Variants in SHROOM2 observed in about 807,000 individuals in gnomAD.
SHROOM2 encodes the protein shroom family member 2.
Under a neutral mutation model 75.9 loss-of-function variants are expected in SHROOM2, and 33 were observed. The ratio of observed to expected loss-of-function variants is 0.43; its 90% confidence interval spans 0.33 to 0.58. The LOEUF (loss-of-function observed/expected upper bound fraction) is 0.58, where lower values mean the gene tolerates loss of function less well. Among genes scored for constraint, SHROOM2 ranks in the 20% least tolerant of loss-of-function variants. The pLI, the probability that SHROOM2 is intolerant of heterozygous loss-of-function variation, is 0.04. For missense variants in SHROOM2, 1,434 were observed against 1,461.2 expected (o/e 0.98, Z 0.30); for synonymous variants, 655 against 663.6 (o/e 0.99, Z 0.20).
intron 2 of SHROOM2, among the ~76,000 whole-genome samples, chrX:9,884,825 G>A (rs2084252170): frequency 9.0e-6 from 1 of 111,731 alleles, no homozygotes; most frequent in Non-Finnish European, 1.9e-5. Context: ...TCCATCTGGA[G>A]TACCAGAAAA....
At chrX:9,867,864 A>G (rs1440957819) in intron 1 of SHROOM2, among the ~76,000 whole-genome samples, 1 of 111,714 alleles carries the variant, frequency 9.0e-6, no homozygotes, top group African/African-American at 3.3e-5. Flanking sequence ...ATGTTGTGGA[A>G]TGCGTCCTTC....
chrX:9,839,911 C>T (rs1019729768), intron 1 of SHROOM2, among the ~76,000 whole-genome samples: 6 of 111,927 alleles, frequency 5.4e-5, no homozygotes, highest in Non-Finnish European at 7.5e-5. Context: ...CCGGTGCCAT[C>T]GAGCTCTAAC....
At chrX:9,810,755 C>G (rs1230013203) in intron 1 of SHROOM2, among the ~76,000 whole-genome samples, 1 of 110,489 alleles carries the variant, frequency 9.1e-6, no homozygotes, top group African/African-American at 3.3e-5. Flanking sequence ...ATATATTGGG[C>G]GCTGATTCAG....
chrX:9,789,359 G>A (rs1161196792), intron 1 of SHROOM2, among the ~76,000 whole-genome samples: 1 of 111,233 alleles, frequency 9.0e-6, no homozygotes, highest in Non-Finnish European at 1.9e-5. Context: ...GACAGATGGC[G>A]ACAGGATTCA....
At chrX:9,931,409 C>T (rs956336922) in intron 5 of SHROOM2, among the ~76,000 whole-genome samples, 2 of 111,388 alleles carry the variant, frequency 1.8e-5, no homozygotes, top group African/African-American at 6.5e-5. Context: ...AGCTACTCCG[C>T]AGGCAGGCAA....
At chrX:9,876,625 A>G (rs1005649048) in intron 2 of SHROOM2, among the ~76,000 whole-genome samples, 1 of 112,372 alleles carries the variant, frequency 8.9e-6, no homozygotes, top group Non-Finnish European at 1.9e-5. Context: ...CTCTGCAGGT[A>G]GTTCATAGAT....
At chrX:9,840,331 G>A (rs1185582200) in intron 1 of SHROOM2, among the ~76,000 whole-genome samples, 1 of 111,928 alleles carries the variant, frequency 8.9e-6, no homozygotes, top group Non-Finnish European at 1.9e-5. Flanking sequence ...CTAGGCTGGA[G>A]TGCAGTGGCA....
intron 1 of SHROOM2, among the ~76,000 whole-genome samples, chrX:9,792,036 GAAT>G (rs2083655853): frequency 0.027 from 8 of 292 alleles, 1 homozygote; most frequent in African/African-American, 0.084. Context: ...GAATAGAATA[GAAT>G]AGAATAGAAT....
In SHROOM2 at chrX:9,932,278, C is replaced by T. The variant is rs769980820; in HGVS notation, c.2995C>T (p.Arg999Trp). 1.5e-5 allele frequency: 18 copies of T among 1,198,353 alleles called. No individual in the cohort carries two copies. Among genetic ancestry groups the T allele is most frequent in the Admixed American group, 6.7e-5 (3 of 44,661 alleles). The stretch of plus-strand genomic sequence containing the variant: ...CACATTCTCTGAACTATCTCACTGC[C>T]GGGGAGCCCCAGAGCTGCCCCGGGA... ...PPTFSELSHC[R>W]GAPELPREGR... Residue 999 changes from arginine to tryptophan, a missense_variant, in exon 6 of 10, where the codon CGG (arginine) becomes TGG (tryptophan). Transcript: ENST00000380913.
intron 1 of SHROOM2, among the ~76,000 whole-genome samples, chrX:9,805,124 C>T: frequency 9.1e-6 from 1 of 109,980 alleles, no homozygotes; most frequent in Non-Finnish European, 1.9e-5. Flanking sequence ...TGGTGTGTGC[C>T]TGTAATCTCA....
chrX:9,941,241 A>G lies in SHROOM2; in HGVS notation c.4311+1875A>G, dbSNP rs753084439. The stretch of plus-strand genomic sequence containing the variant: ...GAAGGGAATGAATGGCCCAGGGCTC[A>G]TTCTTAGTGGAGGGATGAGAGTGGC... On this transcript the variant is annotated intron_variant, in intron 8 of 9. Transcript: ENST00000380913. 1.1e-4 allele frequency among the ~76,000 whole-genome samples: 12 copies of G among 112,271 alleles called. No individual in the cohort carries two copies. The East Asian group carries it at 3.4e-3, about 32-fold the overall frequency.
intron 5 of SHROOM2, among the ~76,000 whole-genome samples, chrX:9,914,083 C>T (rs978097643): frequency 1.6e-4 from 15 of 94,416 alleles, no homozygotes; most frequent in African/African-American, 3.1e-4. Flanking sequence ...CCGCCCCTCC[C>T]GCCCCGATCA....
chrX:9,809,318 C>A (rs1347761126), intron 1 of SHROOM2, among the ~76,000 whole-genome samples: 1 of 110,981 alleles, frequency 9.0e-6, no homozygotes, highest in East Asian at 2.8e-4. Context: ...CCAGTCTCTC[C>A]TTTTCACGCC....
chrX:9,807,789 C>T (rs1314277027), intron 1 of SHROOM2, among the ~76,000 whole-genome samples: 1 of 112,358 alleles, frequency 8.9e-6, no homozygotes, highest in Non-Finnish European at 1.9e-5. Context: ...CTGTGATCCT[C>T]CCTGAGAGCA....
rs146389232 is a variant in SHROOM2 at position 9,931,640 on chromosome X, A to G, written c.2892-535A>G. On this transcript the variant is annotated intron_variant, in intron 5 of 9. Transcript: ENST00000380913. ...GCCTGGGTGACAAAGCGAGACCCCA[A>G]CTCTTTAAAAGAGCCTTTGTTGGTC... 9.5e-3 allele frequency among the ~76,000 whole-genome samples: 1,051 copies of G among 110,930 alleles called. 15 individuals carry two copies. The highest frequency in any genetic ancestry group is 0.033 in the African/African-American group (1,008 of 30,524).
chrX:9,923,004 A>G (rs1326017060), intron 5 of SHROOM2, among the ~76,000 whole-genome samples: 1 of 111,780 alleles, frequency 8.9e-6, no homozygotes, highest in Non-Finnish European at 1.9e-5. Flanking sequence ...ACAAATATTA[A>G]TTTTTAAAAC....
At chrX:9,831,256 G>A (rs2083914644) in intron 1 of SHROOM2, among the ~76,000 whole-genome samples, 1 of 112,366 alleles carries the variant, frequency 8.9e-6, no homozygotes, top group African/African-American at 3.2e-5. Flanking sequence ...GCAACATCTT[G>A]GCATCTGTCT....
intron 5 of SHROOM2, among the ~76,000 whole-genome samples, chrX:9,924,160 T>C (rs9969901): frequency 0.077 from 8,580 of 111,664 alleles, 823 homozygotes; most frequent in African/African-American, 0.27. Context: ...TTGTCCTCCC[T>C]GAAGGTGGTT....
rs776574068 is a variant in SHROOM2 at position 9,896,522 on chromosome X, A to T, written c.2614A>T (p.Thr872Ser). Reference sequence around the variant, plus strand: ...TTCAGACCTGCCGCGGAGGCTCGGCACCTTTGCAGAGTATCAGGCCTCTTG... The same window carrying T: ...TTCAGACCTGCCGCGGAGGCTCGGCTCCTTTGCAGAGTATCAGGCCTCTTG... ...GTSDLPRRLGTFAEYQASWKE... is the reference protein window; with the variant it reads ...GTSDLPRRLGSFAEYQASWKE... Residue 872 changes from threonine to serine, a missense_variant, in exon 4 of 10, where the codon ACC (threonine) becomes TCC (serine). By Grantham distance (58) the Thr-to-Ser change is moderately conservative (BLOSUM62 1). Transcript: ENST00000380913. 5 of 1,210,726 alleles carry T rather than the reference A, an allele frequency of 4.1e-6. No individual in the cohort carries two copies. In the East Asian group the frequency reaches 1.5e-4, roughly 36 times the overall value.
Sources: allele counts gnomAD v4.1 joint callset (sites outside exome capture counted in the v4.1 genomes callset), GRCh38; gene constraint gnomAD v4.1.1; transcripts MANE v1.5; gene names NCBI Gene and HGNC (gene_info 2026-07-23, HGNC 2026-07-21).